Variants in DET1 observed in about 807,000 individuals in gnomAD.
DET1 encodes the protein DET1 homolog.
In DET1, 22 loss-of-function variants were observed where a neutral mutation model predicts 43.7. The observed-to-expected ratio is 0.50, with a 90% CI of 0.36 to 0.72. The LOEUF (loss-of-function observed/expected upper bound fraction) is 0.72, where lower values mean the gene tolerates loss of function less well. Ranked by LOEUF, DET1 falls within the 30% of genes least tolerant of loss-of-function variation. The pLI is 0.00. For missense variants in DET1, 713 were observed against 713.3 expected (o/e 1.00, Z 0.00); for synonymous variants, 315 against 266.2 (o/e 1.18, Z -1.79).
intron 8 of DET1, chr15:88,503,072 T>C (rs9788760): frequency 0.69 from 105,324 of 152,128 alleles, 36,698 homozygotes; most frequent in South Asian, 0.84. Flanking sequence ...GAGACCAGCC[T>C]GGCCAGCATG....
At chr15:88,521,113 C>A (rs2056478206) in intron 3 of DET1, among the ~76,000 whole-genome samples, 1 of 152,200 alleles carries the variant, frequency 6.6e-6, no homozygotes. Context: ...GGTCTCTGAC[C>A]CTATTTCCAA....
downstream of DET1, chr15:88,511,335 A>G (rs2056198802): frequency 1.5e-5 from 14 of 906,096 alleles, no homozygotes; most frequent in South Asian, 6.7e-4. Flanking sequence ...AACCTGCACA[A>G]GACCTCTCTT....
At chr15:88,544,021 C>T (rs1379673565) in intron 1 of DET1, among the ~76,000 whole-genome samples, 2 of 152,180 alleles carry the variant, frequency 1.3e-5, no homozygotes, top group African/African-American at 4.8e-5. Flanking sequence ...ACACCTTCTC[C>T]AGATAGACTG....
At chr15:88,533,413 C>T (rs1583794) in intron 1 of DET1, among the ~76,000 whole-genome samples, 67,377 of 152,032 alleles carry the variant, frequency 0.44, 15,717 homozygotes, top group East Asian at 0.65. Context: ...CCATAAGATC[C>T]AACAATTCTA....
At chr15:88,513,990 G>A (rs1388617744) in intron 4 of DET1, among the ~76,000 whole-genome samples, 9 of 149,456 alleles carry the variant, frequency 6.0e-5, no homozygotes, top group Non-Finnish European at 1.2e-4. Flanking sequence ...TAGTAGAGAC[G>A]GGGTTTCACC....
chr15:88,507,270 C>T (rs1335761067), intron 7 of DET1, among the ~76,000 whole-genome samples: 1 of 152,100 alleles, frequency 6.6e-6, no homozygotes, highest in Non-Finnish European at 1.5e-5. Context: ...TTCATGCATC[C>T]CATGACTTAA....
At chr15:88,528,352 T>C (rs1342679834) in intron 2 of DET1, among the ~76,000 whole-genome samples, 1 of 152,248 alleles carries the variant, frequency 6.6e-6, no homozygotes. Context: ...GAGAGACACC[T>C]TAAGTACATC....
chr15:88,540,601 G>A (rs558174872), intron 1 of DET1, among the ~76,000 whole-genome samples: 48 of 152,028 alleles, frequency 3.2e-4, no homozygotes, highest in African/African-American at 1.1e-3. Context: ...TGTGTAGAAA[G>A]AAGTAGACAT....
chr15:88,506,122 G>A (rs565436633), intron 7 of DET1, among the ~76,000 whole-genome samples: 6 of 152,324 alleles, frequency 3.9e-5, no homozygotes, highest in African/African-American at 1.4e-4. Flanking sequence ...AGGGGAGAAG[G>A]CAGGGTGCAT....
chr15:88,545,951 A>C (rs554885459), intron 1 of DET1, among the ~76,000 whole-genome samples: 102 of 151,014 alleles, frequency 6.8e-4, no homozygotes, highest in Admixed American at 3.4e-3. Context: ...CCAAAGCCCC[A>C]CGTCTATCAC....
rs1040447180 is a variant in DET1 at position 88,512,960 on chromosome 15, G to A, written c.1644C>T (p.Cys548=). ...EYVVNFHMRH[C]CT is the part of the protein sequence containing the mutation. ...GGCTCTGGTGAGGCACCTACGTGCAGCAGTGTCGCATATGGAAGTTGACAA... is the reference window on the plus strand; with the variant it reads ...GGCTCTGGTGAGGCACCTACGTGCAACAGTGTCGCATATGGAAGTTGACAA... Residue 548 remains cysteine, a synonymous_variant, in exon 5 of 5, where the codon TGC becomes TGT. Coordinates refer to ENST00000268148, the MANE Select transcript of DET1 (RefSeq NM_001144074.3). 6.2e-7 allele frequency: 1 copy of A among 1,613,914 alleles called. No individual in the cohort carries two copies.
chr15:88,522,537 T>C (rs2056525748), intron 3 of DET1, among the ~76,000 whole-genome samples: 1 of 149,050 alleles, frequency 6.7e-6, no homozygotes, highest in Non-Finnish European at 1.5e-5. Context: ...TGAGTTGGAG[T>C]CTCGTTCTGT....
At chr15:88,513,819 AGACGGAGTCTCGCTCTGTCG>A (rs2056265576) in intron 4 of DET1, among the ~76,000 whole-genome samples, 1 of 64,646 alleles carries the variant, frequency 1.5e-5, no homozygotes, top group Non-Finnish European at 2.6e-5. Flanking sequence ...TTTTTTTTTG[AGACGGAGTCTCGCTCTGTCG>A]CCCAGGCTGG....
At chr15:88,527,876 A>T in intron 2 of DET1, 90 bp from the exon 3 acceptor site, 3 of 1,043,156 alleles carry the variant, frequency 2.9e-6, no homozygotes, top group Non-Finnish European at 3.8e-6. Context: ...TGAAAATTCA[A>T]GGCATGAATT....
intron 1 of DET1, among the ~76,000 whole-genome samples, chr15:88,539,471 A>AC (rs1491465352): frequency 1.4e-5 from 2 of 143,404 alleles, no homozygotes; most frequent in African/African-American, 5.0e-5. Flanking sequence ...AAAAAAAAAA[A>AC]GGAAAAAACT....
chr15:88,533,041 G>A (rs1320656565), intron 1 of DET1, among the ~76,000 whole-genome samples: 4 of 152,062 alleles, frequency 2.6e-5, no homozygotes, highest in Admixed American at 2.0e-4. Flanking sequence ...ATCATATATT[G>A]GATAAAGGGT....
intron 1 of DET1, among the ~76,000 whole-genome samples, chr15:88,538,851 C>A (rs548936678): frequency 1.3e-5 from 2 of 152,158 alleles, no homozygotes; most frequent in African/African-American, 4.8e-5. Flanking sequence ...CTTCTCACCC[C>A]GGGGTCAGGT....
At chr15:88,514,172 A>T (rs2056280375) in intron 4 of DET1, among the ~76,000 whole-genome samples, 1 of 152,150 alleles carries the variant, frequency 6.6e-6, no homozygotes, top group Non-Finnish European at 1.5e-5. Flanking sequence ...TTTTTCTTCT[A>T]ATATGTGAGA....
At chr15:88,525,832 T>A (rs1234914801) in intron 3 of DET1, among the ~76,000 whole-genome samples, 3 of 150,204 alleles carry the variant, frequency 2.0e-5, no homozygotes, top group African/African-American at 7.4e-5. Flanking sequence ...CGGCTATTTT[T>A]TTTTTTTTTT....
Sources: allele counts gnomAD v4.1 joint callset (sites outside exome capture counted in the v4.1 genomes callset), GRCh38; gene constraint gnomAD v4.1.1; transcripts MANE v1.5; gene names NCBI Gene and HGNC (gene_info 2026-07-23, HGNC 2026-07-21).